The following TRHR variants were observed in gnomAD, a reference collection of about 807,000 sequenced individuals.
TRHR encodes thyrotropin releasing hormone receptor, also known as thyrotropin-releasing hormone receptor.
Under a neutral mutation model 28.0 loss-of-function variants are expected in TRHR, and 14 were observed. The ratio of observed to expected loss-of-function variants is 0.50; its 90% CI spans 0.33 to 0.78. The LOEUF (loss-of-function observed/expected upper bound fraction) is 0.78, where lower values mean the gene tolerates loss of function less well. TRHR is among the 30% of genes least tolerant of loss of function. The pLI, the probability that TRHR is intolerant of heterozygous loss-of-function variation, is 0.02. For synonymous variants in TRHR, 176 were observed against 171.9 expected, an observed-to-expected ratio of 1.02 and a Z score of -0.18; for missense variants, 438 against 469.5, an observed-to-expected ratio of 0.93 and a Z score of 0.62.
At chr8:109,091,940 C>T (rs996207365) in intron 2 of TRHR, among the ~76,000 whole-genome samples, 1 of 152,154 alleles carries the variant, frequency 6.6e-6, no homozygotes, top group African/African-American at 2.4e-5. Context: ...TCAAGAGTCC[C>T]TCAGTTCAGT....
chr8:109,098,530 T>C (rs1268760781), intron 2 of TRHR, among the ~76,000 whole-genome samples: 3 of 152,172 alleles, frequency 2.0e-5, no homozygotes, highest in African/African-American at 7.2e-5. Context: ...ATCACTGTGC[T>C]GCCTGAAATC....
At chr8:109,117,269 T>C (rs568495898) in intron 2 of TRHR, among the ~76,000 whole-genome samples, 2 of 152,006 alleles carry the variant, frequency 1.3e-5, no homozygotes, top group South Asian at 2.1e-4. Context: ...TTGTCTTAAG[T>C]AGACAGATTT....
Position 109,087,951 on chromosome 8 carries a change from A to G in TRHR, c.439A>G (p.Ile147Val). 1.2e-6 allele frequency: 2 copies of G among 1,614,104 alleles called. No individual in the cohort carries two copies. Among genetic ancestry groups the G allele is most frequent in the South Asian group, 2.2e-5 (2 of 91,072 alleles). ...ATTTTCCAGAGCCAAAAAGATTATCATCTTTGTCTGGGCTTTCACATCTCT... is the reference window on the plus strand; with the variant it reads ...ATTTTCCAGAGCCAAAAAGATTATCGTCTTTGTCTGGGCTTTCACATCTCT... ...CTFSRAKKII[I>V]FVWAFTSLYC... The change falls in exon 2 of 3, where the codon ATC (isoleucine) becomes GTC (valine). Residue 147 changes from isoleucine to valine, a missense_variant. Ile to Val is a conservative substitution (Grantham distance 29, BLOSUM62 3). Transcript: ENST00000518632.
At chr8:109,108,170 T>G (rs747521604) in intron 2 of TRHR, among the ~76,000 whole-genome samples, 1 of 152,154 alleles carries the variant, frequency 6.6e-6, no homozygotes, top group African/African-American at 2.4e-5. Context: ...AGGGACTTTG[T>G]CCAAGATTTT....
At chr8:109,092,247 G>T (rs771336649) in intron 2 of TRHR, among the ~76,000 whole-genome samples, 2 of 151,820 alleles carry the variant, frequency 1.3e-5, no homozygotes, top group African/African-American at 4.8e-5. Flanking sequence ...ATGTAACATA[G>T]TCTTAATAGA....
At position 109,087,457 on chromosome 8, in the gene TRHR, T is replaced by C; in HGVS notation, c.-56T>C. ...GAACTGCTGCAATAAAGGTGGGCGC[T>C]GGAAAGAAGATGTTTTGAGAAGTCA... On this transcript the variant is annotated 5_prime_UTR_variant, in exon 2 of 3. Transcript: ENST00000518632. 2 of 1,601,342 alleles carry C rather than the reference T, an allele frequency of 1.2e-6. No homozygotes were observed. Among genetic ancestry groups the C allele is most frequent in the Non-Finnish European group, 8.5e-7 (1 of 1,171,142 alleles).
chr8:109,090,020 A>T (rs191050803), intron 2 of TRHR, among the ~76,000 whole-genome samples: 1 of 152,328 alleles, frequency 6.6e-6, no homozygotes, highest in Non-Finnish European at 1.5e-5. Flanking sequence ...TGTTACCGAT[A>T]AGCTGTCCTT....
chr8:109,117,200 A>T (rs1160240918), intron 2 of TRHR, among the ~76,000 whole-genome samples: 3 of 152,024 alleles, frequency 2.0e-5, no homozygotes, highest in Non-Finnish European at 4.4e-5. Flanking sequence ...TAGAAATGTT[A>T]TCGAAAATGC....
At chr8:109,097,038 AGAAGATGTTTTAG>A (rs1811604761) in intron 2 of TRHR, among the ~76,000 whole-genome samples, 1 of 152,188 alleles carries the variant, frequency 6.6e-6, no homozygotes, top group Admixed American at 6.5e-5. Context: ...GTGTTAGTGG[AGAAGATGTTTTAG>A]GAAGATTTCC....
At chr8:109,108,604 G>A (rs1811785839) in intron 2 of TRHR, among the ~76,000 whole-genome samples, 1 of 152,098 alleles carries the variant, frequency 6.6e-6, no homozygotes, top group South Asian at 2.1e-4. Context: ...GCTATATTAG[G>A]GCAGACTTTT....
At chr8:109,106,443 GTT>G (rs1156382244) in intron 2 of TRHR, among the ~76,000 whole-genome samples, 6 of 152,120 alleles carry the variant, frequency 3.9e-5, no homozygotes, top group Non-Finnish European at 5.9e-5. Flanking sequence ...ATCATATTGA[GTT>G]AGCATTCCCT....
At chr8:109,091,648 A>C (rs1422768248) in intron 2 of TRHR, among the ~76,000 whole-genome samples, 1 of 152,184 alleles carries the variant, frequency 6.6e-6, no homozygotes, top group Non-Finnish European at 1.5e-5. Context: ...GACAAATGTG[A>C]GTTTCTTCCT....
chr8:109,092,539 A>C (rs1811531380), intron 2 of TRHR, among the ~76,000 whole-genome samples: 1 of 151,570 alleles, frequency 6.6e-6, no homozygotes, highest in Non-Finnish European at 1.5e-5. Flanking sequence ...AGGATTCTAG[A>C]GATTCTTCTG....
At chr8:109,113,298 T>A (rs577793991) in intron 2 of TRHR, among the ~76,000 whole-genome samples, 22 of 152,142 alleles carry the variant, frequency 1.4e-4, no homozygotes, top group Middle Eastern at 3.2e-3. Context: ...ATGGTTGATA[T>A]GTTATGTTGA....
Position 109,086,753 on chromosome 8 carries a change from T to C in TRHR, c.-219T>C, listed in dbSNP as rs962961718. On this transcript the variant is annotated 5_prime_UTR_variant, in exon 1 of 3. Transcript: ENST00000518632. Reference sequence around the variant, plus strand: ...CTGTGAGGGTTTGGAGAAACTGCAGTTTTAAAGACTGAGCACTGCTAAGTG... The same window carrying C: ...CTGTGAGGGTTTGGAGAAACTGCAGCTTTAAAGACTGAGCACTGCTAAGTG... 6.6e-6 allele frequency: 1 copy of C among 152,304 alleles called. No homozygotes were observed. Among genetic ancestry groups the C allele is most frequent in the Non-Finnish European group, 1.5e-5 (1 of 68,150 alleles). 9.4% of individuals were successfully genotyped at this position (152,304 alleles called of 1,614,324 possible).
chr8:109,116,935 A>G (rs912538876), intron 2 of TRHR, among the ~76,000 whole-genome samples: 2 of 152,018 alleles, frequency 1.3e-5, no homozygotes, highest in Non-Finnish European at 2.9e-5. Flanking sequence ...CGCTGTGGAA[A>G]TGCACAGGAG....
intron 2 of TRHR, among the ~76,000 whole-genome samples, chr8:109,112,434 C>T (rs1434101604): frequency 6.6e-6 from 1 of 152,270 alleles, no homozygotes; most frequent in African/African-American, 2.4e-5. Context: ...TAATAAATGG[C>T]ATACTATTAA....
intron 2 of TRHR, among the ~76,000 whole-genome samples, chr8:109,107,311 C>T (rs1811766180): frequency 6.6e-6 from 1 of 152,170 alleles, no homozygotes; most frequent in South Asian, 2.1e-4. Context: ...TTATTGAGAA[C>T]CATACCCTAT....
At chr8:109,093,933 A>G (rs1729992680) in intron 2 of TRHR, among the ~76,000 whole-genome samples, 1 of 151,878 alleles carries the variant, frequency 6.6e-6, no homozygotes, top group South Asian at 2.1e-4. Flanking sequence ...ATTAGTTTGC[A>G]TTTTGAAGAA....
Sources: gnomAD v4.1 joint callset for allele counts (sites outside exome capture counted in the v4.1 genomes callset) on GRCh38, gnomAD v4.1.1 for gene constraint, MANE v1.5 for transcripts, NCBI Gene and HGNC (gene_info 2026-07-23, HGNC 2026-07-21) for gene names.